Variants in PTPRD observed in about 807,000 individuals in gnomAD.
PTPRD encodes the protein protein tyrosine phosphatase receptor type D, also known as receptor-type tyrosine-protein phosphatase delta.
In PTPRD, 34 loss-of-function variants were observed where a neutral mutation model predicts 214.5. The ratio of observed to expected loss-of-function variants is 0.16; its 90% CI spans 0.12 to 0.21. PTPRD has a LOEUF of 0.21. Among genes scored for constraint, PTPRD ranks in the 10% least tolerant of loss-of-function variants. PTPRD has a pLI of 1.00. For synonymous variants in PTPRD, 1,128 were observed against 845.7 expected, an observed-to-expected ratio of 1.33 and a Z score of -5.79; for missense variants, 2,545 against 2,398.7, an observed-to-expected ratio of 1.06 and a Z score of -1.27.
Position 10,474,195 on chromosome 9 carries a change from G to A in PTPRD, c.-599-133178C>T, listed in dbSNP as rs544585153. The stretch of plus-strand genomic sequence containing the variant: ...ATTAAAAGACACAGGCTGGCAAGTT[G>A]GAGAGAGTCAAGATTCATCAGTGTG... On this transcript the variant is annotated intron_variant, in intron 2 of 45. Transcript: ENST00000381196. Among the ~76,000 whole-genome samples the A allele has an allele frequency of 2.0e-5, 3 of 151,994 alleles. No homozygotes were observed. The South Asian group carries it at 6.2e-4, about 32-fold the overall frequency.
intron 6 of PTPRD, among the ~76,000 whole-genome samples, chr9:9,764,386 AT>A (rs1402499423): frequency 1.3e-5 from 2 of 152,244 alleles, no homozygotes; most frequent in African/African-American, 2.4e-5. Flanking sequence ...TCTTTAAAAA[AT>A]AAATGAAATT....
At chr9:9,126,797 C>T (rs1037023439) in intron 10 of PTPRD, among the ~76,000 whole-genome samples, 1 of 152,128 alleles carries the variant, frequency 6.6e-6, no homozygotes, top group Non-Finnish European at 1.5e-5. Flanking sequence ...TGTTGTTGTG[C>T]ATTTGTAAGA....
At chr9:8,673,776 G>C (rs998060959) in intron 12 of PTPRD, among the ~76,000 whole-genome samples, 9 of 152,148 alleles carry the variant, frequency 5.9e-5, no homozygotes, top group Non-Finnish European at 8.8e-5. Context: ...GGCATAACGA[G>C]TGCACTGAAG....
intron 9 of PTPRD, among the ~76,000 whole-genome samples, chr9:9,243,491 C>A (rs1216063675): frequency 5.3e-5 from 8 of 152,158 alleles, no homozygotes; most frequent in Non-Finnish European, 1.0e-4. Context: ...TCAACATATG[C>A]AAATCAATAA....
intron 2 of PTPRD, among the ~76,000 whole-genome samples, chr9:10,365,549 C>T (rs532889464): frequency 9.2e-5 from 14 of 152,206 alleles, no homozygotes; most frequent in African/African-American, 3.1e-4. Flanking sequence ...GTAGAATGTA[C>T]TTTATCACTG....
intron 14 of PTPRD, among the ~76,000 whole-genome samples, chr9:8,578,153 T>A (rs1013778510): frequency 1.3e-5 from 2 of 152,210 alleles, no homozygotes; most frequent in Non-Finnish European, 2.9e-5. Flanking sequence ...GTGAAGATGA[T>A]CATGTCAAGA....
chr9:10,327,011 T>A (rs1489535576), intron 3 of PTPRD, among the ~76,000 whole-genome samples: 3 of 151,376 alleles, frequency 2.0e-5, no homozygotes, highest in East Asian at 3.9e-4. Flanking sequence ...ATCTTGTAAT[T>A]TTTTTGTGGT....
intron 9 of PTPRD, among the ~76,000 whole-genome samples, chr9:9,306,977 T>A (rs944549708): frequency 6.6e-6 from 1 of 152,164 alleles, no homozygotes; most frequent in African/African-American, 2.4e-5. Context: ...CTAAAGACAT[T>A]CTCAAAGAAA....
At chr9:8,373,978 T>C (rs1356398112) in intron 39 of PTPRD, among the ~76,000 whole-genome samples, 1 of 151,548 alleles carries the variant, frequency 6.6e-6, no homozygotes, top group South Asian at 2.1e-4. Context: ...GGGAAGAACA[T>C]TTGGAGAAAG....
At chr9:10,207,849 AAAC>A (rs1014414730) in intron 3 of PTPRD, among the ~76,000 whole-genome samples, 21 of 151,964 alleles carry the variant, frequency 1.4e-4, no homozygotes, top group African/African-American at 3.9e-4. Context: ...TATGGAAGCA[AAAC>A]AACAACAACA....
intron 4 of PTPRD, among the ~76,000 whole-genome samples, chr9:10,006,146 A>G (rs2096468731): frequency 6.6e-6 from 1 of 152,062 alleles, no homozygotes; most frequent in South Asian, 2.1e-4. Context: ...AGTTTTTAAG[A>G]GAAGCACTAA....
At chr9:8,384,365 C>T (rs116581749) in intron 37 of PTPRD, among the ~76,000 whole-genome samples, 1,854 of 151,938 alleles carry the variant, frequency 0.012, 15 homozygotes, top group Middle Eastern at 0.055. Flanking sequence ...CAATGAACTA[C>T]GCAAAACTTG....
At chr9:8,900,932 A>C (rs79509858) in intron 11 of PTPRD, among the ~76,000 whole-genome samples, 1 of 152,162 alleles carries the variant, frequency 6.6e-6, no homozygotes, top group Non-Finnish European at 1.5e-5. Context: ...TTTAATTTTC[A>C]TTTTTCAAAA....
At chr9:8,666,918 T>G (rs1351051632) in intron 12 of PTPRD, among the ~76,000 whole-genome samples, 3 of 151,864 alleles carry the variant, frequency 2.0e-5, no homozygotes, top group Non-Finnish European at 4.4e-5. Context: ...AAGCATTGTG[T>G]CTTGTGTACA....
In PTPRD at chr9:10,564,447, A is replaced by T. The variant is rs1566956746; in HGVS notation, c.-600+47951T>A. ...GGAACTAAGAAGGTTGATTAAAAGA[A>T]AAAAAAAAAAGAAATTTTCTGCTTC... On this transcript the variant is annotated intron_variant, in intron 2 of 45. Transcript: ENST00000381196. Among the ~76,000 whole-genome samples the T allele has an allele frequency of 2.7e-5, 4 of 148,112 alleles. No homozygotes were observed. In the South Asian group the frequency reaches 6.4e-4, roughly 24 times the overall value.
chr9:9,966,720 C>G (rs1483122745), intron 4 of PTPRD, among the ~76,000 whole-genome samples: 1 of 152,076 alleles, frequency 6.6e-6, no homozygotes, highest in Non-Finnish European at 1.5e-5. Context: ...CAGTTGTACA[C>G]TCCTTCGGTC....
At chr9:9,186,335 T>TA (rs1401245769) in intron 9 of PTPRD, among the ~76,000 whole-genome samples, 16 of 152,102 alleles carry the variant, frequency 1.1e-4, no homozygotes, top group African/African-American at 3.9e-4. Flanking sequence ...CTGAAGTTCA[T>TA]AACTTTAAAG....
intron 33 of PTPRD, among the ~76,000 whole-genome samples, chr9:8,457,864 A>G (rs530952169): frequency 6.6e-5 from 10 of 152,210 alleles, no homozygotes; most frequent in Admixed American, 5.2e-4. Context: ...AGGCACCTAA[A>G]AAGAGGGAAT....
At chr9:9,715,084 T>G (rs768124004) in intron 7 of PTPRD, among the ~76,000 whole-genome samples, 5 of 152,200 alleles carry the variant, frequency 3.3e-5, no homozygotes, top group African/African-American at 9.6e-5. Flanking sequence ...CCTGGGTTTA[T>G]GCTGGATCCT....
Sources: allele counts gnomAD v4.1 joint callset (sites outside exome capture counted in the v4.1 genomes callset), GRCh38; gene constraint gnomAD v4.1.1; transcripts MANE v1.5; gene names NCBI Gene and HGNC (gene_info 2026-07-23, HGNC 2026-07-21).